PGBD5: variants seen among roughly 807,000 people sequenced by gnomAD.
The protein encoded by PGBD5 is piggyBac transposable element derived 5.
In PGBD5, 14 loss-of-function variants were observed where a neutral mutation model predicts 47.9. The ratio of observed to expected loss-of-function variants is 0.29; its 90% confidence interval spans 0.19 to 0.46. The LOEUF (loss-of-function observed/expected upper bound fraction) is 0.46. Ranked by LOEUF, PGBD5 falls within the 20% of genes least tolerant of loss-of-function variation. The pLI, the probability that PGBD5 is intolerant of heterozygous loss-of-function variation, is 1.00. For synonymous variants in PGBD5, 316 were observed against 306.3 expected, an observed-to-expected ratio of 1.03 and a Z score of -0.33; for missense variants, 635 against 716.0, an observed-to-expected ratio of 0.89 and a Z score of 1.29.
rs948831511 is a variant in PGBD5, at chr1:230,319,483, G to C, written c.*3942C>G. On this transcript the variant is annotated 3_prime_UTR_variant, in exon 7 of 7. Coordinates refer to ENST00000391860, the MANE Select transcript of PGBD5 (RefSeq NM_001258311.2). ...GAGAATGTGTGAGGCTTGCGTAGTT[G>C]CAAGGCCCCATGGCCCTCCCGGGTT... 6.6e-6 allele frequency: 1 copy of C among 151,968 alleles called. No individual in the cohort carries two copies. Among genetic ancestry groups the C allele is most frequent in the Non-Finnish European group, 1.5e-5 (1 of 67,978 alleles). 9.4% of individuals were successfully genotyped at this position (151,968 alleles called of 1,614,324 possible).
intron 1 of PGBD5, among the ~76,000 whole-genome samples, chr1:230,372,920 C>T (rs1267101136): frequency 3.3e-5 from 5 of 152,136 alleles, no homozygotes; most frequent in Admixed American, 1.3e-4. Flanking sequence ...CCCCTCTCTA[C>T]ATATCACCTC....
chr1:230,347,182 G>A (rs1341778060), intron 3 of PGBD5, among the ~76,000 whole-genome samples: 1 of 152,220 alleles, frequency 6.6e-6, no homozygotes, highest in Non-Finnish European at 1.5e-5. Flanking sequence ...AAACCAGGTG[G>A]GCCAGAGGAA....
chr1:230,409,173 T>C (rs1265383727), intron 1 of PGBD5, among the ~76,000 whole-genome samples: 1 of 152,180 alleles, frequency 6.6e-6, no homozygotes, highest in Non-Finnish European at 1.5e-5. Flanking sequence ...ACTTCACACC[T>C]ACCAGGAAGG....
chr1:230,419,470 G>T (rs1657600390), intron 1 of PGBD5, among the ~76,000 whole-genome samples: 1 of 152,184 alleles, frequency 6.6e-6, no homozygotes, highest in Non-Finnish European at 1.5e-5. Context: ...TCACCACAGG[G>T]TGATGGGCTC....
At chr1:230,403,698 G>A (rs1657202312) in intron 1 of PGBD5, among the ~76,000 whole-genome samples, 2 of 152,290 alleles carry the variant, frequency 1.3e-5, no homozygotes, top group Non-Finnish European at 2.9e-5. Context: ...GTCATGCGGG[G>A]TCCGCTCTGG....
At chr1:230,385,495 C>T (rs1413868506) in intron 1 of PGBD5, among the ~76,000 whole-genome samples, 2 of 152,180 alleles carry the variant, frequency 1.3e-5, no homozygotes, top group African/African-American at 4.8e-5. Flanking sequence ...TAAAAACGGC[C>T]TGTGTGGATG....
At chr1:230,359,731 C>G (rs1260727002) in intron 1 of PGBD5, among the ~76,000 whole-genome samples, 1 of 152,198 alleles carries the variant, frequency 6.6e-6, no homozygotes, top group Admixed American at 6.5e-5. Flanking sequence ...AGGGAGGTTC[C>G]TGAGGCTTGG....
At position 230,329,538 on chromosome 1, in the gene PGBD5, G is replaced by T. The variant is rs187737337; in HGVS notation, c.1273+3306C>A. On this transcript the variant is annotated intron_variant, in intron 5 of 6. Coordinates refer to ENST00000391860, the MANE Select transcript of PGBD5 (RefSeq NM_001258311.2). ...TATATACATATATATTTGAGACAGA[G>T]TCTTGCTCTGTCGGCCAGGCTGGAG... Among the ~76,000 whole-genome samples the T allele has an allele frequency of 6.6e-5, 10 of 152,294 alleles. No individual in the cohort carries two copies. In the East Asian group the frequency reaches 1.9e-3, roughly 29 times the overall value.
intron 1 of PGBD5, among the ~76,000 whole-genome samples, chr1:230,413,809 C>T (rs1203508241): frequency 1.3e-5 from 2 of 152,106 alleles, no homozygotes; most frequent in Non-Finnish European, 2.9e-5. Context: ...TTTGTCTTCA[C>T]CACCAGGAGT....
At chr1:230,350,641 T>C (rs1667546321) in intron 3 of PGBD5, among the ~76,000 whole-genome samples, 1 of 152,160 alleles carries the variant, frequency 6.6e-6, no homozygotes, top group Non-Finnish European at 1.5e-5. Context: ...ACCCACTGTT[T>C]GGGTGACACT....
chr1:230,330,014 A>G (rs1667187329), intron 5 of PGBD5, among the ~76,000 whole-genome samples: 2 of 152,208 alleles, frequency 1.3e-5, no homozygotes, highest in Non-Finnish European at 1.5e-5. Context: ...TAAAAACAAA[A>G]GGAAATGAAA....
intron 3 of PGBD5, among the ~76,000 whole-genome samples, chr1:230,342,078 A>C (rs1437698802): frequency 6.6e-6 from 1 of 152,138 alleles, no homozygotes; most frequent in Non-Finnish European, 1.5e-5. Context: ...CATGGGATTT[A>C]TCTTAGCTCT....
intron 1 of PGBD5, among the ~76,000 whole-genome samples, chr1:230,423,970 A>G (rs1012904536): frequency 5.9e-5 from 9 of 152,222 alleles, no homozygotes; most frequent in African/African-American, 2.2e-4. Flanking sequence ...ACTAAGAAAT[A>G]TAAGATGGAT....
chr1:230,363,128 A>T (rs1192739414), intron 1 of PGBD5, among the ~76,000 whole-genome samples: 6 of 152,176 alleles, frequency 3.9e-5, no homozygotes, highest in Non-Finnish European at 8.8e-5. Flanking sequence ...GCGGGTAAGA[A>T]GATCACATGA....
At chr1:230,372,480 G>A (rs910133857) in intron 1 of PGBD5, among the ~76,000 whole-genome samples, 6 of 152,082 alleles carry the variant, frequency 3.9e-5, no homozygotes, top group African/African-American at 1.4e-4. Context: ...ACGTCCCCCC[G>A]CCATCATCCC....
At chr1:230,361,443 T>A (rs1667740537) in intron 1 of PGBD5, among the ~76,000 whole-genome samples, 1 of 152,034 alleles carries the variant, frequency 6.6e-6, no homozygotes, top group Non-Finnish European at 1.5e-5. Flanking sequence ...CATACTGCCA[T>A]GTCCTTTCCT....
Position 230,421,715 on chromosome 1 carries a change from C to T in PGBD5, c.331+3883G>A, listed in dbSNP as rs536961721. The stretch of plus-strand genomic sequence containing the variant: ...TCTGTGCAGCCACTGCAAGATGACA[C>T]ACAGTCTTGCACTTGATTACTATGT... On this transcript the variant is annotated intron_variant, in intron 1 of 6. Coordinates refer to ENST00000391860, the MANE Select transcript of PGBD5 (RefSeq NM_001258311.2). Among the ~76,000 whole-genome samples, 12 of 152,342 alleles carry T rather than the reference C, an allele frequency of 7.9e-5. No individual in the cohort carries two copies. The East Asian group carries it at 2.3e-3, about 29-fold the overall frequency.
In PGBD5 at chr1:230,362,129, G is replaced by A. The variant is rs556679233; in HGVS notation, c.332-4808C>T. 5.3e-6 allele frequency: 6 copies of A among 1,137,268 alleles called. No individual in the cohort carries two copies. In the South Asian group the frequency reaches 9.4e-5, roughly 18 times the overall value. 70.4% of individuals were successfully genotyped at this position (1,137,268 alleles called of 1,614,324 possible). On this transcript the variant is annotated intron_variant, in intron 1 of 6. Transcript: ENST00000391860. Reference sequence around the variant, plus strand: ...CCCAAGGGCGCGGGAAGCCAGTGAAGGGCTGTGAGCACCACGTGACCATGC... The same window carrying A: ...CCCAAGGGCGCGGGAAGCCAGTGAAAGGCTGTGAGCACCACGTGACCATGC...
intron 1 of PGBD5, among the ~76,000 whole-genome samples, chr1:230,363,120 G>C (rs139559612): frequency 6.6e-6 from 1 of 152,152 alleles, no homozygotes; most frequent in Non-Finnish European, 1.5e-5. Context: ...ACCCCACAGC[G>C]GGTAAGAAGA....
Sources: gnomAD v4.1 joint callset for allele counts (sites outside exome capture counted in the v4.1 genomes callset) on GRCh38, gnomAD v4.1.1 for gene constraint, MANE v1.5 for transcripts, NCBI Gene and HGNC (gene_info 2026-07-23, HGNC 2026-07-21) for gene names.